Variants in MKLN1 observed in about 807,000 individuals in gnomAD.
MKLN1 encodes muskelin 1, also known as muskelin.
In MKLN1, 18 loss-of-function variants were observed where a neutral mutation model predicts 99.0. The ratio of observed to expected loss-of-function variants is 0.18; its 90% CI spans 0.13 to 0.27. MKLN1 has a LOEUF of 0.27. MKLN1 is among the 10% of genes least tolerant of loss of function. MKLN1 has a pLI of 1.00. For synonymous variants in MKLN1, 288 were observed against 293.2 expected, an observed-to-expected ratio of 0.98 and a Z score of 0.18; for missense variants, 621 against 875.9, an observed-to-expected ratio of 0.71 and a Z score of 3.67.
At chr7:131,282,116 A>C (rs552067450) in intron 3 of MKLN1, among the ~76,000 whole-genome samples, 1 of 152,048 alleles carries the variant, frequency 6.6e-6, no homozygotes, top group Non-Finnish European at 1.5e-5. Flanking sequence ...TTGGGAGGCC[A>C]AGGCGGGTGG....
chr7:131,239,763 G>A lies in MKLN1; in HGVS notation c.-179+36789G>A, dbSNP rs539413324. Among the ~76,000 whole-genome samples, 6 of 152,310 alleles carry A rather than the reference G, an allele frequency of 3.9e-5. No homozygotes were observed. The East Asian group carries it at 1.2e-3, about 29-fold the overall frequency. ...CCAGCACTTTGGGAGGCTGAAATGG[G>A]AGGATTGCTTAAAGCCAGGAGTTTG... On this transcript the variant is annotated intron_variant, in intron 3 of 7. Transcript: ENST00000416992.
chr7:131,275,741 T>C (rs1797962566), intron 3 of MKLN1, among the ~76,000 whole-genome samples: 1 of 151,330 alleles, frequency 6.6e-6, no homozygotes, highest in Admixed American at 6.6e-5. Flanking sequence ...CATCACCTTG[T>C]ATTGGTTAGG....
At chr7:131,287,600 G>C (rs1258611651) in intron 3 of MKLN1, among the ~76,000 whole-genome samples, 1 of 152,040 alleles carries the variant, frequency 6.6e-6, no homozygotes, top group Admixed American at 6.5e-5. Flanking sequence ...CACATATTTT[G>C]CCATGTAATG....
chr7:131,178,121 T>C (rs567350294), intron 2 of MKLN1, among the ~76,000 whole-genome samples: 5 of 152,082 alleles, frequency 3.3e-5, no homozygotes, highest in Non-Finnish European at 5.9e-5. Flanking sequence ...CAACTTACTG[T>C]TTTTTGGTTT....
At chr7:131,483,451 A>G (rs1584788713) in intron 17 of MKLN1, among the ~76,000 whole-genome samples, 6 of 152,210 alleles carry the variant, frequency 3.9e-5, no homozygotes, top group Admixed American at 3.9e-4. Context: ...CTCTGGTCAC[A>G]ACATTTTATC....
chr7:131,352,772 A>G (rs1390150002), intron 1 of MKLN1, among the ~76,000 whole-genome samples: 1 of 152,134 alleles, frequency 6.6e-6, no homozygotes, highest in Admixed American at 6.5e-5. Flanking sequence ...TCTGTGGGTT[A>G]TGTCACCAAC....
chr7:131,224,064 G>A (rs1797100591), intron 3 of MKLN1, among the ~76,000 whole-genome samples: 1 of 151,904 alleles, frequency 6.6e-6, no homozygotes, highest in South Asian at 2.1e-4. Flanking sequence ...GAACCCACCT[G>A]CATTTGCATC....
At chr7:131,207,409 G>A (rs1033331628) in intron 3 of MKLN1, among the ~76,000 whole-genome samples, 7 of 152,056 alleles carry the variant, frequency 4.6e-5, no homozygotes, top group Non-Finnish European at 1.0e-4. Context: ...TGTTGGCCAG[G>A]CTGGTCTGGA....
chr7:131,277,292 T>G (rs1292012154), intron 3 of MKLN1, among the ~76,000 whole-genome samples: 1 of 152,092 alleles, frequency 6.6e-6, no homozygotes, highest in East Asian at 1.9e-4. Context: ...TGTGCATTTT[T>G]TTTTTTTTGA....
intron 16 of MKLN1, 45 bp from the exon 17 acceptor site, chr7:131,478,578 C>T: frequency 5.4e-6 from 8 of 1,478,770 alleles, no homozygotes; most frequent in Non-Finnish European, 7.1e-6. Context: ...TGCACTTAGC[C>T]AGCTAATTTG....
intron 3 of MKLN1, among the ~76,000 whole-genome samples, chr7:131,244,693 C>T (rs556080559): frequency 2.6e-5 from 4 of 152,142 alleles, no homozygotes; most frequent in South Asian, 2.1e-4. Flanking sequence ...ACGATGATGA[C>T]GATGATGCAT....
chr7:131,231,354 T>G (rs943829189), intron 3 of MKLN1, among the ~76,000 whole-genome samples: 2 of 151,986 alleles, frequency 1.3e-5, no homozygotes, highest in Non-Finnish European at 2.9e-5. Context: ...TCTCGTTTCT[T>G]CCCCCTGTGT....
In MKLN1 at chr7:131,489,413, A is replaced by AC. The variant is rs1680847138; in HGVS notation, c.*1687dup. The AC allele has an allele frequency of 2.0e-5, 3 of 152,284 alleles. No individual in the cohort carries two copies. The South Asian group carries it at 6.2e-4, about 32-fold the overall frequency. 9.4% of individuals were successfully genotyped at this position (152,284 alleles called of 1,614,324 possible). ...TACCAACTTGTGTAGCTGCAGAATA[A>AC]CCAAGTGGCTATCCAGTCAAGTAAA... is the stretch of plus-strand genomic sequence containing the variant. On this transcript the variant is annotated 3_prime_UTR_variant, in exon 18 of 18. Transcript: ENST00000352689.
At chr7:131,287,545 T>TAGGATAAGGTCCTCCTCTC (rs1433513517) in intron 3 of MKLN1, among the ~76,000 whole-genome samples, 2 of 152,154 alleles carry the variant, frequency 1.3e-5, no homozygotes, top group Admixed American at 1.3e-4. Flanking sequence ...CACAGTGATC[T>TAGGATAAGGTCCTCCTCTC]AGGATAAGGT....
intron 2 of MKLN1, among the ~76,000 whole-genome samples, chr7:131,377,476 G>A (rs10242608): frequency 0.016 from 2,458 of 151,910 alleles, 46 homozygotes; most frequent in African/African-American, 0.054. Flanking sequence ...TTTTAATCAC[G>A]CTTTTCTTGA....
intron 1 of MKLN1, among the ~76,000 whole-genome samples, chr7:131,336,434 T>C (rs1481805932): frequency 2.0e-5 from 3 of 152,086 alleles, no homozygotes; most frequent in Admixed American, 1.3e-4. Flanking sequence ...AATATAATTA[T>C]TGATAAATTT....
chr7:131,180,586 C>T (rs1195383298), intron 2 of MKLN1, among the ~76,000 whole-genome samples: 1 of 151,750 alleles, frequency 6.6e-6, no homozygotes, highest in East Asian at 1.9e-4. Flanking sequence ...GTAATCCCAG[C>T]TACTCAGGAG....
intron 3 of MKLN1, among the ~76,000 whole-genome samples, chr7:131,268,461 A>G (rs538486158): frequency 2.0e-5 from 3 of 152,338 alleles, no homozygotes; most frequent in South Asian, 4.1e-4. Context: ...GTCAAGGTCC[A>G]ATACGGATTG....
At chr7:131,376,098 A>ATT (rs1388434928) in intron 2 of MKLN1, among the ~76,000 whole-genome samples, 1 of 1,140 alleles carries the variant, frequency 8.8e-4, no homozygotes, top group Non-Finnish European at 2.0e-3. Context: ...TCATGGAAAT[A>ATT]TATATATATA....
Sources: gnomAD v4.1 joint callset for allele counts (sites outside exome capture counted in the v4.1 genomes callset) on GRCh38, gnomAD v4.1.1 for gene constraint, MANE v1.5 for transcripts, NCBI Gene and HGNC (gene_info 2026-07-23, HGNC 2026-07-21) for gene names.